HMGXB3: variants seen among roughly 807,000 people sequenced by gnomAD.
HMGXB3 encodes HMG-box containing 3.
HMGXB3 carries 45 observed loss-of-function variants against 121.5 expected under a neutral mutation model. That is an observed-to-expected ratio of 0.37 (90% CI 0.29 to 0.47). HMGXB3 has a LOEUF of 0.47. Among genes scored for constraint, HMGXB3 ranks in the 20% least tolerant of loss-of-function variants. The pLI, the probability that HMGXB3 is intolerant of heterozygous loss-of-function variation, is 0.99. For synonymous variants in HMGXB3, 590 were observed against 624.1 expected (o/e 0.95, Z 0.81); for missense variants, 1,376 against 1,602.2 (o/e 0.86, Z 2.41).
chr5:150,002,273 G>T (rs757342895), intron 1 of HMGXB3, among the ~76,000 whole-genome samples: 5 of 152,054 alleles, frequency 3.3e-5, no homozygotes, highest in African/African-American at 1.2e-4. Context: ...TTAAGCTTTC[G>T]CAACATTGTC....
intron 9 of HMGXB3, among the ~76,000 whole-genome samples, chr5:150,028,017 C>T (rs988839471): frequency 2.6e-5 from 4 of 152,190 alleles, no homozygotes; most frequent in African/African-American, 9.7e-5. Flanking sequence ...ACCTGGGACA[C>T]AGCCTCAGGA....
In HMGXB3 at chr5:150,037,508, C is replaced by T. The variant is rs1756528610; in HGVS notation, c.2394C>T (p.Ser798=). 2 of 1,527,740 alleles carry T rather than the reference C, an allele frequency of 1.3e-6. No homozygotes were observed. The highest frequency in any genetic ancestry group is 1.8e-6 in the Non-Finnish European group (2 of 1,132,436). The allele number at this position is 1,527,740 out of a possible 1,614,324, so 94.6% of individuals were successfully genotyped here. Residue 798 remains serine, a synonymous_variant, in exon 13 of 20, where the codon AGC becomes AGT. Coordinates refer to ENST00000502717, the MANE Select transcript of HMGXB3 (RefSeq NM_014983.3). ...CLNPHCLALH[S]FIDIYTGLFN... ...ACCCCCATTGTCTGGCCCTGCACAGCTTCATAGACATCTACACAGGTGGGT... is the reference window on the plus strand; with the variant it reads ...ACCCCCATTGTCTGGCCCTGCACAGTTTCATAGACATCTACACAGGTGGGT...
At chr5:150,032,978 A>G (rs1357086660) in intron 11 of HMGXB3, among the ~76,000 whole-genome samples, 1 of 152,182 alleles carries the variant, frequency 6.6e-6, no homozygotes. Context: ...GAGAATGCCA[A>G]CCTGAGACTT....
chr5:150,015,011 C>T (rs993832644), intron 5 of HMGXB3: 5 of 634,824 alleles, frequency 7.9e-6, no homozygotes, highest in African/African-American at 1.9e-5. Context: ...AATACCAAAC[C>T]ACCAATGATT....
intron 9 of HMGXB3, among the ~76,000 whole-genome samples, chr5:150,028,501 ATGTATGTGTGTGTG>A (rs1303191848): frequency 1.9e-3 from 185 of 96,818 alleles, no homozygotes; most frequent in African/African-American, 2.9e-3. Context: ...ATATATATGT[ATGTATGTGTGTGTG>A]TGTGTGTGTG....
chr5:150,002,440 AT>A (rs1755595035), intron 1 of HMGXB3, among the ~76,000 whole-genome samples: 1 of 152,172 alleles, frequency 6.6e-6, no homozygotes. Context: ...ATTATACCTT[AT>A]TTGTGGAGTG....
intron 13 of HMGXB3, 83 bp from the exon 14 acceptor site, chr5:150,040,665 A>T (rs1561881459): frequency 1.4e-6 from 2 of 1,420,834 alleles, no homozygotes; most frequent in Non-Finnish European, 1.9e-6. Flanking sequence ...GGCACGTGCC[A>T]CCGCACCCAG....
intron 10 of HMGXB3, among the ~76,000 whole-genome samples, chr5:150,031,349 G>C (rs11957581): frequency 0.016 from 2,370 of 152,312 alleles, 67 homozygotes; most frequent in African/African-American, 0.053. Flanking sequence ...CGTCCTAATG[G>C]ACAAATGTGT....
intron 4 of HMGXB3, among the ~76,000 whole-genome samples, chr5:150,011,957 T>C (rs1033173508): frequency 2.0e-5 from 3 of 152,166 alleles, no homozygotes; most frequent in East Asian, 3.9e-4. Flanking sequence ...TGAGAACACT[T>C]GAAAGGGTTA....
intron 19 of HMGXB3, 64 bp downstream of exon 19, chr5:150,050,525 A>G: frequency 7.7e-7 from 1 of 1,292,638 alleles, no homozygotes; most frequent in Non-Finnish European, 1.1e-6. Context: ...TCTGTCACCC[A>G]GGCTGGAGTG....
In HMGXB3 at chr5:150,050,280, G is replaced by A. The variant is rs559428439; in HGVS notation, c.3230G>A (p.Arg1077Gln). 6.4e-6 allele frequency: 10 copies of A among 1,551,872 alleles called. No individual in the cohort carries two copies. The highest frequency in any genetic ancestry group is 2.7e-5 in the African/African-American group (2 of 73,178). Residue 1077 changes from arginine (R) to glutamine (Q), a missense_variant, in exon 19 of 20, where the codon CGA (arginine) becomes CAA (glutamine). Coordinates refer to ENST00000502717, the MANE Select transcript of HMGXB3 (RefSeq NM_014983.3). The stretch of plus-strand genomic sequence containing the variant: ...GTCTGCGGCTCCAAGTATCTTGTGC[G>A]AGGTGAGAGTGCCCGTGACCATGTG... Reference protein sequence around the residue: ...QVVCGSKYLVRGESARDHVDL... With the variant: ...QVVCGSKYLVQGESARDHVDL...
In HMGXB3 at chr5:150,026,823, C is replaced by T. The variant is rs1403358448; in HGVS notation, c.1578C>T (p.Asn526=). The T allele has an allele frequency of 1.0e-5, 16 of 1,544,186 alleles. No homozygotes were observed. The highest frequency in any genetic ancestry group is 3.6e-5 in the South Asian group (3 of 82,780). The change falls in exon 8 of 20, where the codon AAC becomes AAT. Residue 526 remains asparagine (N), a synonymous_variant. Coordinates refer to ENST00000502717, the MANE Select transcript of HMGXB3 (RefSeq NM_014983.3). ...PMRAILPAPV[N]VGRGSSMGLP... Reference sequence around the variant, plus strand: ...GAGCAATTTTGCCAGCCCCAGTTAACGTGGGGCGAGGCAGCAGCATGGGAC... The same window carrying T: ...GAGCAATTTTGCCAGCCCCAGTTAATGTGGGGCGAGGCAGCAGCATGGGAC...
intron 14 of HMGXB3, among the ~76,000 whole-genome samples, 199 bp from the exon 15 acceptor site, chr5:150,041,586 C>A (rs562100963): frequency 5.3e-5 from 8 of 152,346 alleles, no homozygotes; most frequent in African/African-American, 1.9e-4. Flanking sequence ...AGCTATCACT[C>A]CAGTGGGAAT....
chr5:150,049,369 A>G (rs1309611738), intron 18 of HMGXB3, among the ~76,000 whole-genome samples: 1 of 152,060 alleles, frequency 6.6e-6, no homozygotes, highest in African/African-American at 2.4e-5. Context: ...CAGGTTATGT[A>G]CTAGATGACA....
chr5:150,041,536 C>A (rs1308513151), intron 14 of HMGXB3, among the ~76,000 whole-genome samples: 1 of 152,222 alleles, frequency 6.6e-6, no homozygotes, highest in African/African-American at 2.4e-5. Flanking sequence ...CATAACATAT[C>A]CAAAGCTTTC....
chr5:150,024,361 T>C lies in HMGXB3; in HGVS notation c.1141T>C (p.Ser381Pro), dbSNP rs1317999827. The change falls in exon 7 of 20, where the codon TCC (serine) becomes CCC (proline). Residue 381 changes from serine to proline, a missense_variant. By Grantham distance (74) the Ser-to-Pro change is moderately conservative. This residue lies in a region of HMGXB3 where 1,116 missense variants were observed against 1,369.0 expected (regional missense o/e 0.82). Coordinates refer to ENST00000502717, the MANE Select transcript of HMGXB3 (RefSeq NM_014983.3). ...NQQPVTTEQNSSKENASKLTL... is the reference protein window; with the variant it reads ...NQQPVTTEQNPSKENASKLTL... ...GCAACCTGTCACCACTGAGCAAAAT[T>C]CCTCTAAGGAAAATGCCTCCAAACT... 2 of 1,551,672 alleles carry C rather than the reference T, an allele frequency of 1.3e-6. No homozygotes were observed. The highest frequency in any genetic ancestry group is 2.4e-5 in the East Asian group (1 of 40,920).
At chr5:150,013,409 AT>A (rs905903736) in intron 5 of HMGXB3, among the ~76,000 whole-genome samples, 6 of 152,194 alleles carry the variant, frequency 3.9e-5, no homozygotes, top group Non-Finnish European at 7.3e-5. Flanking sequence ...CCACCCTTGT[AT>A]TCCTGGGACA....
At chr5:150,021,331 A>G (rs1410477858) in intron 6 of HMGXB3, among the ~76,000 whole-genome samples, 1 of 152,204 alleles carries the variant, frequency 6.6e-6, no homozygotes, top group Non-Finnish European at 1.5e-5. Context: ...GGAAAAATAG[A>G]TTTTGAAAAA....
chr5:150,016,146 A>G (rs943188105), intron 5 of HMGXB3, among the ~76,000 whole-genome samples: 1 of 152,132 alleles, frequency 6.6e-6, no homozygotes, highest in African/African-American at 2.4e-5. Context: ...GGAGTTCAAG[A>G]CCAGCCTGGA....
Sources: gnomAD v4.1 joint callset for allele counts (sites outside exome capture counted in the v4.1 genomes callset) on GRCh38, gnomAD v4.1.1 for gene constraint, gnomAD v4.1.1 regional missense constraint, MANE v1.5 for transcripts, NCBI Gene and HGNC (gene_info 2026-07-23, HGNC 2026-07-21) for gene names.